The following DGKH variants were observed in gnomAD, a reference collection of about 807,000 sequenced individuals.
DGKH encodes the protein DAG kinase eta.
A neutral mutation model predicts 159.3 loss-of-function variants in DGKH; 90 were observed. That is an observed-to-expected ratio of 0.57 (90% confidence interval 0.48 to 0.67). The LOEUF (loss-of-function observed/expected upper bound fraction) is 0.67. DGKH is among the 30% of genes least tolerant of loss of function. The pLI is 0.00. For missense variants in DGKH, 1,181 were observed against 1,506.1 expected (o/e 0.78, Z 3.57); for synonymous variants, 536 against 553.8 (o/e 0.97, Z 0.45).
chr13:42,183,465 CTAGA>C (rs371024531), intron 13 of DGKH, among the ~76,000 whole-genome samples: 8 of 152,132 alleles, frequency 5.3e-5, no homozygotes, highest in Admixed American at 4.6e-4. Context: ...TAATTACTAC[CTAGA>C]TAAAGAATTC....
In DGKH at chr13:42,159,252, T is replaced by TTTTTTTTTTTTTTTTTTTTTTTTTTTG; in HGVS notation, c.623-3_623-2insTTTTTTTTTTTTTTTGTTTTTTTTTTT. The TTTTTTTTTTTTTTTTTTTTTTTTTTTG allele has an allele frequency of 1.1e-6, 1 of 919,870 alleles. No homozygotes were observed. The highest frequency in any genetic ancestry group is 1.5e-6 in the Non-Finnish European group (1 of 649,150). The allele number at this position is 919,870 out of a possible 1,614,324, so 57.0% of individuals were successfully genotyped here. On this transcript the variant is annotated splice_polypyrimidine_tract_variant and intron_variant, in intron 5 of 29. Transcript: ENST00000337343. ...ACTTAAAAGCAGTTGCTCTTTTTTTTTTTTTTTTTTTAGTGTGTAAATTCA... is the reference window on the plus strand; with the variant it reads ...ACTTAAAAGCAGTTGCTCTTTTTTTTTTTTTTTTTTTTTTTTTTTTTTTTTTGTTTTTTTTTTTAGTGTGTAAATTCA...
intron 1 of DGKH, among the ~76,000 whole-genome samples, chr13:42,118,049 C>G (rs1200863815): frequency 6.6e-6 from 1 of 152,118 alleles, no homozygotes; most frequent in Non-Finnish European, 1.5e-5. Flanking sequence ...AACCCCGTCT[C>G]TACCAAAAAG....
At chr13:42,052,382 G>A (rs1881386768) in intron 1 of DGKH, among the ~76,000 whole-genome samples, 2 of 152,164 alleles carry the variant, frequency 1.3e-5, no homozygotes, top group African/African-American at 4.8e-5. Context: ...AATAACCTAA[G>A]TGGAATTTCA....
At position 42,135,489 on chromosome 13, in the gene DGKH, C is replaced by CACAAAAAAAAAAAAAAAAAAAAAAAAAA. The variant is rs1223953901; in HGVS notation, c.384+5858_384+5859insCAAAAAAAAAAAAAAAAAAAAAAAAAAA. On this transcript the variant is annotated intron_variant, in intron 3 of 29. Coordinates refer to ENST00000337343, the MANE Select transcript of DGKH (RefSeq NM_178009.5). ...TGGGTGGCAGAGAAAGACCCTGTCT[C>CACAAAAAAAAAAAAAAAAAAAAAAAAAA]AGAAAAAAAAAAAAAAAAAGAGAGA... 1.5e-3 allele frequency among the ~76,000 whole-genome samples: 77 copies of CACAAAAAAAAAAAAAAAAAAAAAAAAAA among 50,966 alleles called. 5 individuals carry two copies. Among genetic ancestry groups the CACAAAAAAAAAAAAAAAAAAAAAAAAAA allele is most frequent in the Non-Finnish European group, 2.4e-3 (55 of 23,402 alleles). 33.4% of individuals were successfully genotyped at this position (50,966 alleles called of 152,430 possible).
At chr13:42,243,213 C>T (rs1397634924), downstream of DGKH, among the ~76,000 whole-genome samples, 4 of 152,210 alleles carry the variant, frequency 2.6e-5, no homozygotes, top group Non-Finnish European at 5.9e-5. Context: ...CCCCGGGCAA[C>T]CACTTCTATA....
At chr13:42,127,088 C>T (rs991318999) in intron 1 of DGKH, among the ~76,000 whole-genome samples, 1 of 152,154 alleles carries the variant, frequency 6.6e-6, no homozygotes. Flanking sequence ...AGTGGTGGCA[C>T]CAGGAGGTGA....
At position 42,237,907 on chromosome 13, in the gene DGKH, G is replaced by C. The variant is rs1225787986; in HGVS notation, c.*8719G>C. The C allele has an allele frequency of 1.3e-5, 2 of 152,164 alleles. No homozygotes were observed. The highest frequency in any genetic ancestry group is 6.5e-5 in the Admixed American group (1 of 15,274). The allele number at this position is 152,164 out of a possible 1,614,324, so 9.4% of individuals were successfully genotyped here. A position where few individuals can be genotyped will look rare whatever the true frequency, so the allele number is the denominator to read the frequency against. On this transcript the variant is annotated 3_prime_UTR_variant, in exon 30 of 30. Coordinates refer to ENST00000337343, the MANE Select transcript of DGKH (RefSeq NM_178009.5). The stretch of plus-strand genomic sequence containing the variant: ...AACTTGCTAAGCCTTTCTTAAACTT[G>C]CCAAGTATTAGCAATGATAATTGCT...
Position 42,112,894 on chromosome 13 carries a change from C to T in DGKH, c.193-14569C>T, listed in dbSNP as rs190147754. On this transcript the variant is annotated intron_variant, in intron 1 of 29. Transcript: ENST00000337343. ...GCAGCTGGAGCCATTCTTCTCTGCC[C>T]GTGTCCAGAAATTTCCCAGCACACA... 8.5e-5 allele frequency among the ~76,000 whole-genome samples: 13 copies of T among 152,300 alleles called. No homozygotes were observed. The East Asian group carries it at 1.7e-3, about 20-fold the overall frequency.
rs150261490 is a variant in DGKH, at chr13:42,095,760, A to G, written c.193-31703A>G. On this transcript the variant is annotated intron_variant, in intron 1 of 29. Transcript: ENST00000337343. ...GTATTTGATTTGGTACCTATGGATA[A>G]CTATTAGCCTAATACTGCCATAATT... Among the ~76,000 whole-genome samples the G allele has an allele frequency of 2.8e-4, 43 of 152,324 alleles. No homozygotes were observed. In the East Asian group the frequency reaches 7.7e-3, roughly 27 times the overall value.
intron 1 of DGKH, among the ~76,000 whole-genome samples, chr13:42,089,536 G>T (rs140750680): frequency 6.6e-6 from 1 of 152,272 alleles, no homozygotes; most frequent in African/African-American, 2.4e-5. Context: ...TCTGGGAAGA[G>T]AATCTATTTC....
At chr13:42,040,352 C>A (rs1049873457) in intron 1 of DGKH, among the ~76,000 whole-genome samples, 6 of 152,138 alleles carry the variant, frequency 3.9e-5, no homozygotes, top group Admixed American at 2.0e-4. Context: ...CCTCGCCGCT[C>A]TCCGCGCGCC....
At chr13:42,098,851 T>G (rs1172455567) in intron 1 of DGKH, among the ~76,000 whole-genome samples, 1 of 152,216 alleles carries the variant, frequency 6.6e-6, no homozygotes, top group Non-Finnish European at 1.5e-5. Flanking sequence ...TACTCTCAGG[T>G]GAGAAAAATA....
intron 20 of DGKH, 33 bp downstream of exon 20, chr13:42,199,942 T>C: frequency 6.5e-7 from 1 of 1,528,192 alleles, no homozygotes. Context: ...ATATTTCATA[T>C]TATCTTACTT....
intron 1 of DGKH, among the ~76,000 whole-genome samples, chr13:42,060,405 C>T (rs1261836741): frequency 6.6e-6 from 1 of 152,162 alleles, no homozygotes; most frequent in Non-Finnish European, 1.5e-5. Context: ...AGATCTGGGC[C>T]TCTAGTTCCT....
At chr13:42,090,421 T>C (rs1005820486) in intron 1 of DGKH, among the ~76,000 whole-genome samples, 5 of 152,228 alleles carry the variant, frequency 3.3e-5, no homozygotes, top group South Asian at 2.1e-4. Flanking sequence ...TCATGTAGAA[T>C]CTCAAGGGAC....
chr13:42,115,258 C>T (rs1054246115), intron 1 of DGKH, among the ~76,000 whole-genome samples: 4 of 152,124 alleles, frequency 2.6e-5, no homozygotes, highest in Non-Finnish European at 5.9e-5. Context: ...AAGTTTTAAT[C>T]GTTTAATTTC....
chr13:42,247,806 A>G (rs1256610722), downstream of DGKH, among the ~76,000 whole-genome samples: 1 of 151,530 alleles, frequency 6.6e-6, no homozygotes, highest in Non-Finnish European at 1.5e-5. Context: ...AAAGTTAAAA[A>G]CAAAAACAAT....
intron 11 of DGKH, among the ~76,000 whole-genome samples, chr13:42,172,367 C>T (rs1379643892): frequency 6.6e-6 from 1 of 152,214 alleles, no homozygotes; most frequent in East Asian, 1.9e-4. Flanking sequence ...ATCTGCCCGC[C>T]TCAGCCTCCC....
Position 42,166,642 on chromosome 13 carries a change from G to A in DGKH, c.1086G>A (p.Val362=), listed in dbSNP as rs774283310. The stretch of plus-strand genomic sequence containing the variant: ...AACAGTTGCTAAATCCGGCTCAGGT[G>A]TTTGATTTAATGAATGGAGGTCCTC... The part of the protein sequence containing the change: ...RFKQLLNPAQ[V]FDLMNGGPHL... The change falls in exon 9 of 30, where the codon GTG becomes GTA. Residue 362 remains valine, a synonymous_variant. Coordinates refer to ENST00000337343, the MANE Select transcript of DGKH (RefSeq NM_178009.5). 1 of 1,602,058 alleles carries A rather than the reference G, an allele frequency of 6.2e-7. No homozygotes were observed. The highest frequency in any genetic ancestry group is 1.1e-5 in the South Asian group (1 of 88,366).
Sources: gnomAD v4.1 joint callset for allele counts (sites outside exome capture counted in the v4.1 genomes callset) on GRCh38, gnomAD v4.1.1 for gene constraint, MANE v1.5 for transcripts, NCBI Gene and HGNC (gene_info 2026-07-23, HGNC 2026-07-21) for gene names.